Variants in TRMT11 observed in about 807,000 individuals in gnomAD.
TRMT11 encodes tRNA methyltransferase 11.
In TRMT11, 53 loss-of-function variants were observed where a neutral mutation model predicts 62.8. The ratio of observed to expected loss-of-function variants is 0.84; its 90% CI spans 0.68 to 1.06. The LOEUF (loss-of-function observed/expected upper bound fraction) is 1.06, where lower values mean the gene tolerates loss of function less well. Among genes scored for constraint, TRMT11 ranks in the 50% least tolerant of loss-of-function variants. The pLI is 0.00. For synonymous variants in TRMT11, 188 were observed against 190.3 expected (o/e 0.99, Z 0.10); for missense variants, 556 against 553.4 (o/e 1.00, Z -0.05).
chr6:126,008,771 A>G, intron 8 of TRMT11: 1 of 552,942 alleles, frequency 1.8e-6, no homozygotes, highest in East Asian at 4.1e-5. Context: ...GGCTGTTAGT[A>G]GTTAAGTTCT....
chr6:125,996,556 ACTTTAT>A (rs1223742995), intron 3 of TRMT11, among the ~76,000 whole-genome samples: 3 of 152,034 alleles, frequency 2.0e-5, no homozygotes, highest in Non-Finnish European at 2.9e-5. Flanking sequence ...GTGTTTCTAG[ACTTTAT>A]CATTGGCATC....
At chr6:126,042,729 A>G (rs1267642593), downstream of TRMT11, among the ~76,000 whole-genome samples, 2 of 152,208 alleles carry the variant, frequency 1.3e-5, no homozygotes, top group Non-Finnish European at 2.9e-5. Flanking sequence ...AACATGCAGC[A>G]GTGAAGATTA....
At chr6:126,221,269 A>G in the TRMT11 span, among the ~76,000 whole-genome samples, 3,817 of 152,278 alleles carry the variant, frequency 0.025, 150 homozygotes, top group African/African-American at 0.086. Context: ...TCCTTTGGGT[A>G]TATACCCAGT....
At chr6:126,209,887 T>G in the TRMT11 span, among the ~76,000 whole-genome samples, 1 of 152,198 alleles carries the variant, frequency 6.6e-6, no homozygotes, top group Admixed American at 6.5e-5. Flanking sequence ...CTCTGTCCCA[T>G]TATTAAATAC....
At chr6:125,993,896 A>T (rs911249897) in intron 2 of TRMT11, 74 bp downstream of exon 2, 2 of 814,014 alleles carry the variant, frequency 2.5e-6, no homozygotes, top group African/African-American at 3.5e-5. Context: ...GAAGAAGTGC[A>T]TATCTTAAAT....
At chr6:126,154,307 G>A (rs1442271943) in intron 21 of TRMT11, among the ~76,000 whole-genome samples, 1 of 150,934 alleles carries the variant, frequency 6.6e-6, no homozygotes, top group Admixed American at 6.6e-5. Flanking sequence ...GTTAGTGTTA[G>A]GTATCAGTAA....
chr6:126,238,067 T>C, the TRMT11 span, among the ~76,000 whole-genome samples: 3 of 152,194 alleles, frequency 2.0e-5, no homozygotes, highest in African/African-American at 7.2e-5. Context: ...ATCCCCTTTA[T>C]CATTTTTATT....
At chr6:126,202,494 G>T (rs905342764), downstream of TRMT11, among the ~76,000 whole-genome samples, 1 of 152,090 alleles carries the variant, frequency 6.6e-6, no homozygotes, top group Non-Finnish European at 1.5e-5. Flanking sequence ...ACCACAAAAA[G>T]CTTTGGCTTG....
At chr6:126,214,335 G>T in the TRMT11 span, among the ~76,000 whole-genome samples, 1 of 151,886 alleles carries the variant, frequency 6.6e-6, no homozygotes, top group African/African-American at 2.4e-5. Context: ...TAAATATCTG[G>T]TAAAATTTAG....
the TRMT11 span, among the ~76,000 whole-genome samples, chr6:126,247,590 A>C: frequency 1.4e-5 from 2 of 147,974 alleles, no homozygotes; most frequent in Non-Finnish European, 3.0e-5. Flanking sequence ...TAGTCATTAT[A>C]AAAAAGAAGC....
chr6:126,023,715 C>CT (rs1796161831), intron 12 of TRMT11, among the ~76,000 whole-genome samples: 1 of 152,154 alleles, frequency 6.6e-6, no homozygotes, highest in Non-Finnish European at 1.5e-5. Flanking sequence ...ATGTTGAATA[C>CT]TTTCAGCTGG....
the TRMT11 span, among the ~76,000 whole-genome samples, chr6:126,257,468 T>A: frequency 6.6e-6 from 1 of 152,062 alleles, no homozygotes; most frequent in Non-Finnish European, 1.5e-5. Flanking sequence ...TTCTTTTTGT[T>A]GTTGTTGAGT....
chr6:126,197,544 A>G (rs1347603327), intron 1 of TRMT11, among the ~76,000 whole-genome samples: 1 of 152,126 alleles, frequency 6.6e-6, no homozygotes, highest in Non-Finnish European at 1.5e-5. Context: ...TATTAGTGCA[A>G]TTTCTGATGG....
upstream of TRMT11, among the ~76,000 whole-genome samples, chr6:126,174,548 C>T (rs1408519995): frequency 6.6e-6 from 1 of 152,190 alleles, no homozygotes. Flanking sequence ...CTATATGGCA[C>T]TTAGCACTTT....
intron 1 of TRMT11, among the ~76,000 whole-genome samples, chr6:126,194,912 T>G (rs1778647213): frequency 6.6e-6 from 1 of 152,054 alleles, no homozygotes; most frequent in African/African-American, 2.4e-5. Flanking sequence ...CCCAAGAGTT[T>G]GAGATCAGCC....
the TRMT11 span, among the ~76,000 whole-genome samples, chr6:126,214,082 G>A: frequency 1.3e-5 from 2 of 151,774 alleles, no homozygotes; most frequent in Admixed American, 6.6e-5. Context: ...GCATCTCTGC[G>A]ATAAATCCCA....
intron 1 of TRMT11, among the ~76,000 whole-genome samples, chr6:126,190,198 C>T (rs1170238248): frequency 2.0e-5 from 3 of 152,114 alleles, no homozygotes; most frequent in East Asian, 1.9e-4. Flanking sequence ...ACTTCATCTA[C>T]CCGCTTTCCC....
At chr6:126,015,922 A>G (rs1045249733) in intron 11 of TRMT11, among the ~76,000 whole-genome samples, 1 of 152,202 alleles carries the variant, frequency 6.6e-6, no homozygotes, top group Admixed American at 6.5e-5. Context: ...GAATACCACA[A>G]ACATGATCTT....
the TRMT11 span, among the ~76,000 whole-genome samples, chr6:126,237,301 T>G: frequency 2.6e-5 from 4 of 152,184 alleles, no homozygotes; most frequent in African/African-American, 9.6e-5. Context: ...TTTGCTCTCC[T>G]TAAAAATTCT....
Sources: gnomAD v4.1 joint callset for allele counts (sites outside exome capture counted in the v4.1 genomes callset) on GRCh38, gnomAD v4.1.1 for gene constraint, MANE v1.5 for transcripts, NCBI Gene and HGNC (gene_info 2026-07-23, HGNC 2026-07-21) for gene names.